R3HDM1: variants seen among roughly 807,000 people sequenced by gnomAD.
R3HDM1 encodes the protein R3H domain containing 1, also known as R3H domain-containing protein 1.
In R3HDM1, 46 loss-of-function variants were observed where a neutral mutation model predicts 141.1. The ratio of observed to expected loss-of-function variants is 0.33; its 90% CI spans 0.26 to 0.42. R3HDM1 has a LOEUF of 0.42. R3HDM1 is among the 10% of genes least tolerant of loss of function. The probability of loss-of-function intolerance (pLI) is 1.00; values close to 1 mark genes in which losing one functional copy is unlikely to be tolerated. For synonymous variants in R3HDM1, 435 were observed against 472.9 expected, an observed-to-expected ratio of 0.92 and a Z score of 1.04; for missense variants, 1,184 against 1,368.3, an observed-to-expected ratio of 0.87 and a Z score of 2.12.
intron 21 of R3HDM1, among the ~76,000 whole-genome samples, chr2:135,698,198 C>T (rs1415368450): frequency 6.8e-6 from 1 of 146,170 alleles, no homozygotes; most frequent in African/African-American, 2.5e-5. Flanking sequence ...CTCACTCTGT[C>T]ACCCAGGCTG....
Position 135,535,292 on chromosome 2 carries a change from A to T in R3HDM1, c.-250+3659A>T, listed in dbSNP as rs1189717264. On this transcript the variant is annotated intron_variant, in intron 1 of 26. Coordinates refer to ENST00000683871, the MANE Select transcript of R3HDM1 (RefSeq NM_001378107.1). ...GAGGCAGGCAGATCACAAGGTCAGC[A>T]GTTCGAGACCAGCCTGGCCAGTATG... is the stretch of plus-strand genomic sequence containing the variant. Among the ~76,000 whole-genome samples, 3 of 152,174 alleles carry T rather than the reference A, an allele frequency of 2.0e-5. No homozygotes were observed. The East Asian group carries it at 5.8e-4, about 29-fold the overall frequency.
intron 21 of R3HDM1, among the ~76,000 whole-genome samples, chr2:135,684,251 C>T (rs960409571): frequency 6.6e-6 from 1 of 151,974 alleles, no homozygotes; most frequent in African/African-American, 2.4e-5. Flanking sequence ...CCACTACGCC[C>T]GGCTAATTTT....
At chr2:135,678,466 G>C (rs1454399179) in intron 20 of R3HDM1, among the ~76,000 whole-genome samples, 1 of 151,834 alleles carries the variant, frequency 6.6e-6, no homozygotes, top group Non-Finnish European at 1.5e-5. Context: ...AGTACCTTCA[G>C]GCCTGGCGCA....
At chr2:135,699,158 A>T (rs1011212962) in intron 21 of R3HDM1, among the ~76,000 whole-genome samples, 1 of 152,140 alleles carries the variant, frequency 6.6e-6, no homozygotes, top group African/African-American at 2.4e-5. Context: ...AGGCCTAAAT[A>T]TATAGAAGAC....
In R3HDM1 at chr2:135,675,317, A is replaced by G. The variant is rs1236465176; in HGVS notation, c.2153-15A>G. 1.9e-6 allele frequency: 3 copies of G among 1,609,524 alleles called. No homozygotes were observed. The Admixed American group carries it at 5.0e-5, about 27-fold the overall frequency. On this transcript the variant is annotated splice_polypyrimidine_tract_variant and intron_variant, in intron 19 of 26. Transcript: ENST00000683871. The stretch of plus-strand genomic sequence containing the variant: ...ATGAATTCAGAGCAGGATTTAACTC[A>G]TTGTACCATTACAGGTTATCAAGTT...
intron 5 of R3HDM1, among the ~76,000 whole-genome samples, chr2:135,618,364 G>A (rs2061241042): frequency 6.6e-6 from 1 of 151,188 alleles, no homozygotes; most frequent in Non-Finnish European, 1.5e-5. Flanking sequence ...GTTTCACCAT[G>A]TTGGCCAGGC....
intron 1 of R3HDM1, among the ~76,000 whole-genome samples, chr2:135,569,743 T>G: frequency 6.8e-6 from 1 of 147,996 alleles, no homozygotes; most frequent in Admixed American, 6.7e-5. Context: ...TTGTTTTTTT[T>G]GGAGAGGGAG....
intron 1 of R3HDM1, chr2:135,566,871 C>A: frequency 1.7e-6 from 1 of 601,164 alleles, no homozygotes; most frequent in Non-Finnish European, 2.1e-6. Context: ...ACTTGGCAGG[C>A]TGGGGCAGAA....
chr2:135,692,453 G>C lies in R3HDM1; in HGVS notation c.2459+12129G>C, dbSNP rs532080792. On this transcript the variant is annotated intron_variant, in intron 21 of 26. Coordinates refer to ENST00000683871, the MANE Select transcript of R3HDM1 (RefSeq NM_001378107.1). ...TAAAAAATACAAACATTAGCTGGGC[G>C]TGGTGGCACATGCCTGTATTCTCAG... Among the ~76,000 whole-genome samples, 4 of 152,210 alleles carry C rather than the reference G, an allele frequency of 2.6e-5. No homozygotes were observed. The East Asian group carries it at 5.8e-4, about 22-fold the overall frequency.
chr2:135,567,766 G>A (rs183459355), intron 1 of R3HDM1, among the ~76,000 whole-genome samples: 5 of 151,806 alleles, frequency 3.3e-5, no homozygotes, highest in Non-Finnish European at 5.9e-5. Flanking sequence ...TAGAGATAAC[G>A]TCTCACTCTG....
intron 1 of R3HDM1, among the ~76,000 whole-genome samples, chr2:135,585,724 G>A (rs1424163498): frequency 1.3e-5 from 2 of 152,122 alleles, no homozygotes; most frequent in Non-Finnish European, 2.9e-5. Context: ...AGCTAATATA[G>A]CCAACAAGCA....
At chr2:135,629,208 C>T (rs2062381953) in intron 7 of R3HDM1, among the ~76,000 whole-genome samples, 1 of 151,822 alleles carries the variant, frequency 6.6e-6, no homozygotes, top group Non-Finnish European at 1.5e-5. Flanking sequence ...CCCCAGCTAC[C>T]GGGAAGCTGA....
chr2:135,700,622 G>A (rs950123449), intron 21 of R3HDM1, among the ~76,000 whole-genome samples: 3 of 152,190 alleles, frequency 2.0e-5, no homozygotes, highest in African/African-American at 4.8e-5. Context: ...ACTAAAAGCT[G>A]TAGTAGATGT....
chr2:135,565,555 C>G (rs1211802958), intron 1 of R3HDM1, among the ~76,000 whole-genome samples: 2 of 151,800 alleles, frequency 1.3e-5, no homozygotes, highest in Non-Finnish European at 2.9e-5. Context: ...AATCAAAAAT[C>G]TTTCGTTTCT....
intron 19 of R3HDM1, among the ~76,000 whole-genome samples, chr2:135,672,996 A>T (rs770808737): frequency 6.6e-6 from 1 of 152,194 alleles, no homozygotes; most frequent in Non-Finnish European, 1.5e-5. Flanking sequence ...AGCCCCAGCT[A>T]CTGGGGAGGC....
intron 1 of R3HDM1, among the ~76,000 whole-genome samples, chr2:135,542,138 G>A (rs1574429388): frequency 6.6e-6 from 1 of 152,184 alleles, no homozygotes; most frequent in Admixed American, 6.5e-5. Context: ...GTAAGTTCAG[G>A]TGTGGAATTT....
At chr2:135,562,432 CAATTCTTAA>C (rs1701966936) in intron 1 of R3HDM1, among the ~76,000 whole-genome samples, 1 of 152,112 alleles carries the variant, frequency 6.6e-6, no homozygotes, top group Non-Finnish European at 1.5e-5. Context: ...CTGTCAATGC[CAATTCTTAA>C]TTATTTGGTC....
intron 3 of R3HDM1, among the ~76,000 whole-genome samples, chr2:135,613,460 A>G (rs528977576): frequency 2.0e-5 from 3 of 152,298 alleles, no homozygotes; most frequent in Admixed American, 2.0e-4. Context: ...ACTTGATTGA[A>G]TCAGACTCAC....
chr2:135,554,603 T>C (rs1025867339), intron 1 of R3HDM1, among the ~76,000 whole-genome samples: 1 of 152,372 alleles, frequency 6.6e-6, no homozygotes, highest in East Asian at 1.9e-4. Context: ...CTAAGGTGGC[T>C]ATACCATTTT....
Sources: gnomAD v4.1 joint callset for allele counts (sites outside exome capture counted in the v4.1 genomes callset) on GRCh38, gnomAD v4.1.1 for gene constraint, MANE v1.5 for transcripts, NCBI Gene and HGNC (gene_info 2026-07-23, HGNC 2026-07-21) for gene names.